Variants in BTBD1 observed in about 807,000 individuals in gnomAD.
The protein encoded by BTBD1 is BTB domain containing 1.
Under a neutral mutation model 48.0 loss-of-function variants are expected in BTBD1, and 34 were observed. The ratio of observed to expected loss-of-function variants is 0.71; its 90% confidence interval spans 0.54 to 0.94. BTBD1 has a LOEUF of 0.94. Ranked by LOEUF, BTBD1 falls within the 40% of genes least tolerant of loss-of-function variation. BTBD1 has a pLI of 0.00. For missense variants in BTBD1, 543 were observed against 625.6 expected (o/e 0.87, Z 1.41); for synonymous variants, 261 against 242.1 (o/e 1.08, Z -0.72).
chr15:83,044,545 T>C, intron 3 of BTBD1: 3 of 1,596,694 alleles, frequency 1.9e-6, no homozygotes, highest in African/African-American at 1.3e-5. Context: ...GAGAGCACTT[T>C]GAAAACACAG....
rs577231761 is a variant in BTBD1, at chr15:83,033,815, C to G, written c.863-3487G>C. Among the ~76,000 whole-genome samples, 5 of 152,106 alleles carry G rather than the reference C, an allele frequency of 3.3e-5. No individual in the cohort carries two copies. The South Asian group carries it at 8.3e-4, about 25-fold the overall frequency. ...AGGCTGGTCTTGAACTCGACTCAAACAATCTACCTGCCTCAGCCTCCCAAA... is the reference window on the plus strand; with the variant it reads ...AGGCTGGTCTTGAACTCGACTCAAAGAATCTACCTGCCTCAGCCTCCCAAA... On this transcript the variant is annotated intron_variant, in intron 4 of 7. Transcript: ENST00000261721.
At chr15:83,032,097 C>A (rs1745922622) in intron 4 of BTBD1, among the ~76,000 whole-genome samples, 1 of 151,996 alleles carries the variant, frequency 6.6e-6, no homozygotes, top group African/African-American at 2.4e-5. Context: ...CCGAGGCAGG[C>A]AGATCCCAAG....
In BTBD1 at chr15:83,061,095, T is replaced by C. The variant is rs571274132; in HGVS notation, c.402-4550A>G. Among the ~76,000 whole-genome samples the C allele has an allele frequency of 5.9e-5, 9 of 152,346 alleles. No homozygotes were observed. In the East Asian group the frequency reaches 1.2e-3, roughly 20 times the overall value. ...CAATTTCATCATCATGCAAACATCA[T>C]AGACTGCACTCACATAAATCTCAAT... On this transcript the variant is annotated intron_variant, in intron 1 of 7. Coordinates refer to ENST00000261721, the MANE Select transcript of BTBD1 (RefSeq NM_025238.4).
rs1389674872 is a variant in BTBD1 at position 83,044,564 on chromosome 15, T to C, written c.665-2639A>G. ...GCACTTTGAAAACACAGTTTTCTTG[T>C]ACCCTGGGAGAGAAGTTTGAAGAAA... On this transcript the variant is annotated intron_variant, in intron 3 of 7. Coordinates refer to ENST00000261721, the MANE Select transcript of BTBD1 (RefSeq NM_025238.4). 15 of 1,597,724 alleles carry C rather than the reference T, an allele frequency of 9.4e-6. No homozygotes were observed. In the African/African-American group the frequency reaches 1.6e-4, roughly 17 times the overall value.
At chr15:83,040,024 C>A (rs1219539085) in intron 4 of BTBD1, among the ~76,000 whole-genome samples, 4 of 151,742 alleles carry the variant, frequency 2.6e-5, no homozygotes, top group Non-Finnish European at 4.4e-5. Flanking sequence ...CACGGACACA[C>A]ACACACCACA....
intron 6 of BTBD1, 46 bp downstream of exon 6, chr15:83,020,629 G>T: frequency 8.0e-7 from 1 of 1,254,132 alleles, no homozygotes; most frequent in Non-Finnish European, 1.1e-6. Context: ...AAAGTTACCT[G>T]TTTGTGTTAT....
chr15:83,041,397 G>A (rs1185707475), intron 4 of BTBD1, among the ~76,000 whole-genome samples: 1 of 149,924 alleles, frequency 6.7e-6, no homozygotes, highest in East Asian at 1.9e-4. Context: ...ATGGAGTCTC[G>A]TGGAATCTCG....
chr15:83,050,815 G>A (rs551892108), intron 2 of BTBD1, among the ~76,000 whole-genome samples: 2 of 151,838 alleles, frequency 1.3e-5, no homozygotes, highest in African/African-American at 2.4e-5. Context: ...TTCACATGAC[G>A]GAATATTATA....
intron 4 of BTBD1, among the ~76,000 whole-genome samples, chr15:83,032,548 T>C (rs1464265149): frequency 6.6e-6 from 1 of 152,066 alleles, no homozygotes; most frequent in Non-Finnish European, 1.5e-5. Flanking sequence ...TACTCAGCCA[T>C]AAAATGGAAC....
chr15:83,048,352 G>A (rs2032917914), intron 3 of BTBD1, among the ~76,000 whole-genome samples: 1 of 152,166 alleles, frequency 6.6e-6, no homozygotes, highest in African/African-American at 2.4e-5. Context: ...AAATGAGAAT[G>A]TCAAGTAGAC....
At chr15:83,023,137 C>T (rs2032333370) in intron 5 of BTBD1, among the ~76,000 whole-genome samples, 1 of 151,890 alleles carries the variant, frequency 6.6e-6, no homozygotes, top group South Asian at 2.1e-4. Context: ...TTTAAAAAAT[C>T]ATATCAGAAT....
rs1405421316 is a variant in BTBD1 at position 83,041,745 on chromosome 15, A to G, written c.845T>C (p.Ile282Thr). 4 of 1,614,182 alleles carry G rather than the reference A, an allele frequency of 2.5e-6. No individual in the cohort carries two copies. Among genetic ancestry groups the G allele is most frequent in the Non-Finnish European group, 3.4e-6 (4 of 1,180,022 alleles). The change falls in exon 4 of 8, where the codon ATT becomes ACT. Residue 282 changes from isoleucine to threonine, a missense_variant. Around this residue, in one of 3 missense-constraint regions of BTBD1, gnomAD observed 300 missense variants for 350.0 expected, o/e 0.86. Transcript: ENST00000261721. ...LSLIRFPLMTIEEFAAGPAQS... is the reference protein window; with the variant it reads ...LSLIRFPLMTTEEFAAGPAQS... ...ACCCTTACCTGCTGCAAATTCCTCA[A>G]TTGTCATCAGTGGGAACCGGATTAA... is the stretch of plus-strand genomic sequence containing the variant.
chr15:83,056,380 T>C lies in BTBD1; in HGVS notation c.558+9A>G, dbSNP rs753445584. ...TACAATGATACATACCTTAGCTACA[T>C]TTACTTACCTGAGTAAGTAACATAA... On this transcript the variant is annotated intron_variant, in intron 2 of 7. Transcript: ENST00000261721. The C allele has an allele frequency of 1.9e-6, 3 of 1,600,544 alleles. No individual in the cohort carries two copies. The highest frequency in any genetic ancestry group is 4.5e-5 in the East Asian group (2 of 44,828).
chr15:83,038,790 C>G (rs570439103), intron 4 of BTBD1, among the ~76,000 whole-genome samples: 1 of 152,068 alleles, frequency 6.6e-6, no homozygotes, highest in African/African-American at 2.4e-5. Flanking sequence ...GGAAAGATCC[C>G]TCTATTCAGT....
At chr15:83,025,380 A>G (rs1188418916) in intron 5 of BTBD1, among the ~76,000 whole-genome samples, 2 of 139,794 alleles carry the variant, frequency 1.4e-5, no homozygotes, top group African/African-American at 5.5e-5. Context: ...AAAAAAAAAA[A>G]GAATTTTGCC....
intron 7 of BTBD1, 139 bp downstream of exon 7, chr15:83,018,568 G>A (rs760166254): frequency 1.2e-4 from 107 of 894,626 alleles, no homozygotes; most frequent in East Asian, 5.5e-5. Context: ...TTTTCGGAAG[G>A]CAGTGGAATA....
intron 3 of BTBD1, among the ~76,000 whole-genome samples, chr15:83,046,233 C>CA (rs112948671): frequency 4.8e-4 from 72 of 150,636 alleles, no homozygotes; most frequent in African/African-American, 1.3e-3. Context: ...CCGTCTCTAC[C>CA]AAAAAAAACA....
intron 2 of BTBD1, among the ~76,000 whole-genome samples, chr15:83,050,393 T>A (rs879684282): frequency 1.3e-5 from 2 of 151,802 alleles, no homozygotes; most frequent in Non-Finnish European, 2.9e-5. Context: ...AAGAACAAAT[T>A]GACATTACCA....
At chr15:83,055,642 A>T (rs1371421504) in intron 2 of BTBD1, among the ~76,000 whole-genome samples, 1 of 152,176 alleles carries the variant, frequency 6.6e-6, no homozygotes, top group Admixed American at 6.5e-5. Flanking sequence ...TAAACCTAAA[A>T]CTTTAACTCC....
Sources: gnomAD v4.1 joint callset for allele counts (sites outside exome capture counted in the v4.1 genomes callset) on GRCh38, gnomAD v4.1.1 for gene constraint, gnomAD v4.1.1 regional missense constraint, MANE v1.5 for transcripts, NCBI Gene and HGNC (gene_info 2026-07-23, HGNC 2026-07-21) for gene names.